Variants in GLRA2 observed in about 807,000 individuals in gnomAD.
GLRA2 encodes the protein glycine receptor alpha 2, also known as glycine receptor subunit alpha-2.
GLRA2 carries 11 observed loss-of-function variants against 31.6 expected under a neutral mutation model. That is an observed-to-expected ratio of 0.35 (90% CI 0.22 to 0.58). The LOEUF is 0.58. Ranked by LOEUF, GLRA2 falls within the 20% of genes least tolerant of loss-of-function variation. The pLI, the probability that GLRA2 is intolerant of heterozygous loss-of-function variation, is 0.84. For missense variants in GLRA2, 212 were observed against 351.8 expected, an observed-to-expected ratio of 0.60 and a Z score of 3.18; for synonymous variants, 132 against 134.0, an observed-to-expected ratio of 0.99 and a Z score of 0.10.
At chrX:14,708,663 G>A (rs191141337) in intron 8 of GLRA2, among the ~76,000 whole-genome samples, 1,231 of 111,723 alleles carry the variant, frequency 0.011, 10 homozygotes, top group Middle Eastern at 0.032. Flanking sequence ...CAGGCCAGGC[G>A]CGGTGGCTCA....
chrX:14,481,284 T>G, the GLRA2 span, among the ~76,000 whole-genome samples: 1 of 111,580 alleles, frequency 9.0e-6, no homozygotes, highest in Non-Finnish European at 1.9e-5. Context: ...ATTCCACATT[T>G]CATCTACTGG....
intron 8 of GLRA2, among the ~76,000 whole-genome samples, chrX:14,724,223 C>T (rs780695007): frequency 8.9e-6 from 1 of 111,768 alleles, no homozygotes; most frequent in Admixed American, 9.5e-5. Context: ...CTGTTTCCCC[C>T]TCTAGAATGT....
chrX:14,621,438 T>C (rs918383859), intron 7 of GLRA2, among the ~76,000 whole-genome samples: 2 of 111,402 alleles, frequency 1.8e-5, no homozygotes, highest in Non-Finnish European at 3.8e-5. Context: ...CATTTATACA[T>C]GTGCCATGTT....
At chrX:14,650,384 T>C (rs1262852831) in intron 7 of GLRA2, among the ~76,000 whole-genome samples, 1 of 110,051 alleles carries the variant, frequency 9.1e-6, no homozygotes, top group Non-Finnish European at 1.9e-5. Flanking sequence ...AAAAACAAAA[T>C]CCCTGTTTCC....
intron 7 of GLRA2, among the ~76,000 whole-genome samples, chrX:14,624,240 TTTC>T (rs1474657669): frequency 2.7e-5 from 3 of 111,649 alleles, no homozygotes; most frequent in Admixed American, 1.9e-4. Context: ...TCTTCTTTCT[TTTC>T]TTCTTTATTA....
At chrX:14,581,440 C>A in intron 4 of GLRA2, 34 bp downstream of exon 4, 1 of 797,710 alleles carries the variant, frequency 1.3e-6, no homozygotes, top group Non-Finnish European at 1.9e-6. Context: ...GTTCGCATCT[C>A]CATTTCTCCA....
intron 7 of GLRA2, among the ~76,000 whole-genome samples, chrX:14,634,355 A>G (rs1234018812): frequency 1.8e-5 from 2 of 112,207 alleles, no homozygotes; most frequent in Non-Finnish European, 1.9e-5. Context: ...GAAGAAGTAC[A>G]TAGTTCTGTT....
the GLRA2 span, among the ~76,000 whole-genome samples, chrX:14,503,162 G>A: frequency 7.9e-4 from 88 of 111,612 alleles, 1 homozygote; most frequent in East Asian, 0.021. Flanking sequence ...CTAGAGTAAT[G>A]TCAATCACTG....
intron 2 of GLRA2, among the ~76,000 whole-genome samples, chrX:14,540,940 GGAGAGAAA>G (rs2089393955): frequency 9.2e-6 from 1 of 108,597 alleles, no homozygotes; most frequent in Non-Finnish European, 1.9e-5. Flanking sequence ...GAGACAGAGG[GGAGAGAAA>G]GAGAGAAAGG....
chrX:14,584,463 C>T (rs1312961988), intron 4 of GLRA2, among the ~76,000 whole-genome samples: 1 of 111,644 alleles, frequency 9.0e-6, no homozygotes, highest in Non-Finnish European at 1.9e-5. Context: ...GCAGACTCAC[C>T]ATCATCACCT....
the GLRA2 span, among the ~76,000 whole-genome samples, chrX:14,492,616 G>C: frequency 0.018 from 2,034 of 111,367 alleles, 15 homozygotes; most frequent in Non-Finnish European, 0.025. Flanking sequence ...TGCTGGTGAG[G>C]ATGCAGAGCT....
intron 4 of GLRA2, among the ~76,000 whole-genome samples, chrX:14,586,292 A>T (rs1223419283): frequency 1.8e-5 from 2 of 112,204 alleles, no homozygotes; most frequent in Non-Finnish European, 3.8e-5. Flanking sequence ...AGTGTTAATA[A>T]ACCTTTTATC....
chrX:14,574,231 A>G (rs2089923063), intron 2 of GLRA2, 102 bp from the exon 3 acceptor site: 1 of 549,705 alleles, frequency 1.8e-6, no homozygotes, highest in Non-Finnish European at 3.2e-6. Flanking sequence ...CAATCTCACC[A>G]TCATTTTAAT....
chrX:14,518,456 AC>A, the GLRA2 span, among the ~76,000 whole-genome samples: 1 of 111,520 alleles, frequency 9.0e-6, no homozygotes, highest in Non-Finnish European at 1.9e-5. Flanking sequence ...AACACACAAA[AC>A]TGGAAATGAT....
At chrX:14,680,001 T>C (rs765423614) in intron 7 of GLRA2, among the ~76,000 whole-genome samples, 2 of 112,256 alleles carry the variant, frequency 1.8e-5, no homozygotes, top group East Asian at 5.6e-4. Flanking sequence ...AGCCATATGG[T>C]ATTTTAGGCT....
At chrX:14,730,156 T>C (rs1408085987) in intron 8 of GLRA2, 51 bp from the exon 9 acceptor site, 1 of 982,803 alleles carries the variant, frequency 1.0e-6, no homozygotes, top group South Asian at 2.1e-5. Context: ...GCATCTTCCA[T>C]CTAACTTGAC....
At chrX:14,534,393 A>G (rs1223323713) in intron 2 of GLRA2, among the ~76,000 whole-genome samples, 3 of 110,531 alleles carry the variant, frequency 2.7e-5, no homozygotes, top group Non-Finnish European at 5.7e-5. Context: ...CCTTTTCATA[A>G]AATTTATTTA....
At chrX:14,690,120 A>C (rs1375705652) in intron 7 of GLRA2, among the ~76,000 whole-genome samples, 6 of 111,825 alleles carry the variant, frequency 5.4e-5, no homozygotes, top group African/African-American at 1.9e-4. Flanking sequence ...TGGCTTTTGA[A>C]GAGCCTAAGG....
intron 7 of GLRA2, among the ~76,000 whole-genome samples, chrX:14,680,639 T>C (rs910012662): frequency 6.3e-5 from 7 of 111,908 alleles, no homozygotes; most frequent in African/African-American, 2.3e-4. Flanking sequence ...CCAAGGAACA[T>C]CACATCATAT....
Sources: allele counts gnomAD v4.1 joint callset (sites outside exome capture counted in the v4.1 genomes callset), GRCh38; gene constraint gnomAD v4.1.1; transcripts MANE v1.5; gene names NCBI Gene and HGNC (gene_info 2026-07-23, HGNC 2026-07-21).